Variants in NAALADL2 observed in about 807,000 individuals in gnomAD.
NAALADL2 encodes N-acetylated alpha-linked acidic dipeptidase like 2.
Under a neutral mutation model 87.2 loss-of-function variants are expected in NAALADL2, and 76 were observed. That is an observed-to-expected ratio of 0.87 (90% CI 0.72 to 1.05). The LOEUF is 1.05. Ranked by LOEUF, NAALADL2 falls within the 50% of genes least tolerant of loss-of-function variation. The pLI, the probability that NAALADL2 is intolerant of heterozygous loss-of-function variation, is 0.00. For synonymous variants in NAALADL2, 354 were observed against 331.0 expected (o/e 1.07, Z -0.75); for missense variants, 1,089 against 945.8 (o/e 1.15, Z -1.99).
At chr3:175,414,150 G>A (rs1323673446) in intron 5 of NAALADL2, among the ~76,000 whole-genome samples, 1 of 152,176 alleles carries the variant, frequency 6.6e-6, no homozygotes, top group Non-Finnish European at 1.5e-5. Context: ...TTTGCTTTGT[G>A]GGAAAGACAC....
chr3:175,711,961 T>C (rs59739652), intron 11 of NAALADL2, among the ~76,000 whole-genome samples: 1 of 152,042 alleles, frequency 6.6e-6, no homozygotes, highest in African/African-American at 2.4e-5. Flanking sequence ...TAGAGAAATA[T>C]ACATTTGCAA....
intron 1 of NAALADL2, among the ~76,000 whole-genome samples, chr3:174,997,004 G>A (rs1747568474): frequency 8.8e-6 from 1 of 114,050 alleles, no homozygotes. Flanking sequence ...GTGTGTGTGT[G>A]TGTGTGTGTG....
At chr3:175,723,021 T>C (rs1377239921) in intron 11 of NAALADL2, among the ~76,000 whole-genome samples, 2 of 152,118 alleles carry the variant, frequency 1.3e-5, no homozygotes, top group Non-Finnish European at 2.9e-5. Context: ...CTGAAGTTTG[T>C]GGGTAGGTGT....
intron 1 of NAALADL2, among the ~76,000 whole-genome samples, chr3:175,060,654 C>T (rs986947925): frequency 5.3e-5 from 8 of 152,250 alleles, no homozygotes; most frequent in African/African-American, 1.9e-4. Context: ...AGCCAATAGC[C>T]GTACTATATT....
At chr3:174,668,831 T>C (rs2108796696) in intron 2 of NAALADL2, among the ~76,000 whole-genome samples, 1 of 152,342 alleles carries the variant, frequency 6.6e-6, no homozygotes, top group East Asian at 1.9e-4. Flanking sequence ...TTGTTGGACA[T>C]TTGGGTTGGT....
chr3:175,182,513 G>C (rs1736716423), intron 2 of NAALADL2, among the ~76,000 whole-genome samples: 1 of 144,052 alleles, frequency 6.9e-6, no homozygotes, highest in African/African-American at 2.6e-5. Flanking sequence ...TGAGCTTCCT[G>C]AGTAGCTGAG....
chr3:174,859,573 C>T (rs1380283043), intron 1 of NAALADL2, 123 bp downstream of exon 1: 4 of 708,620 alleles, frequency 5.6e-6, no homozygotes, highest in African/African-American at 1.8e-5. Context: ...GTTCAGGTGC[C>T]CTGGCCCTGT....
chr3:175,417,533 C>A (rs1714862586), intron 5 of NAALADL2, among the ~76,000 whole-genome samples: 1 of 149,712 alleles, frequency 6.7e-6, no homozygotes, highest in African/African-American at 2.5e-5. Context: ...TAAAAAAAAA[C>A]AATTCAGTAA....
chr3:175,006,447 G>A (rs1366319147), intron 1 of NAALADL2, among the ~76,000 whole-genome samples: 1 of 151,984 alleles, frequency 6.6e-6, no homozygotes, highest in East Asian at 1.9e-4. Flanking sequence ...TCATTTGATT[G>A]GAACATTATC....
intron 3 of NAALADL2, among the ~76,000 whole-genome samples, chr3:174,743,964 G>A (rs1271920338): frequency 6.6e-6 from 1 of 151,838 alleles, no homozygotes; most frequent in African/African-American, 2.4e-5. Flanking sequence ...GGAGTGCAGG[G>A]TATTTAGCAG....
At chr3:174,471,620 A>T (rs1716912713) in intron 1 of NAALADL2, among the ~76,000 whole-genome samples, 1 of 152,106 alleles carries the variant, frequency 6.6e-6, no homozygotes, top group Non-Finnish European at 1.5e-5. Flanking sequence ...TGGTTATAAA[A>T]ATAAGGCCTC....
At chr3:175,095,156 C>G (rs1438309773) in intron 1 of NAALADL2, among the ~76,000 whole-genome samples, 2 of 151,964 alleles carry the variant, frequency 1.3e-5, no homozygotes, top group African/African-American at 4.8e-5. Context: ...CATTCTTATT[C>G]TCTCTTTGTG....
intron 1 of NAALADL2, among the ~76,000 whole-genome samples, chr3:175,055,702 C>T (rs752481315): frequency 6.6e-6 from 1 of 152,174 alleles, no homozygotes; most frequent in Non-Finnish European, 1.5e-5. Context: ...TCAGGCTCAG[C>T]GGTTTTCTAT....
chr3:175,391,729 A>G (rs763703333), intron 5 of NAALADL2, among the ~76,000 whole-genome samples: 3 of 152,102 alleles, frequency 2.0e-5, no homozygotes, highest in Admixed American at 6.5e-5. Flanking sequence ...GAGGGTGGAG[A>G]CTTGTTATAT....
rs549158056 is a variant in NAALADL2, at chr3:175,463,671, G to T, written c.1327+178G>T. On this transcript the variant is annotated intron_variant, in intron 7 of 13. Coordinates refer to ENST00000454872, the MANE Select transcript of NAALADL2 (RefSeq NM_207015.3). ...GTGGGTCTTCCTTCTCTTTCCTACC[G>T]TATCTCTTCTAAAATAAATCTTAGT... is the stretch of plus-strand genomic sequence containing the variant. Among the ~76,000 whole-genome samples the T allele has an allele frequency of 2.1e-5, 3 of 145,146 alleles. No individual in the cohort carries two copies. In the South Asian group the frequency reaches 6.4e-4, roughly 31 times the overall value.
chr3:175,052,359 C>A (rs1421859068), intron 1 of NAALADL2, among the ~76,000 whole-genome samples: 3 of 152,232 alleles, frequency 2.0e-5, no homozygotes, highest in Non-Finnish European at 4.4e-5. Flanking sequence ...AGTTTTGGGG[C>A]CAGTTTATGG....
At chr3:175,200,676 C>A (rs1177730119) in intron 2 of NAALADL2, among the ~76,000 whole-genome samples, 1 of 152,164 alleles carries the variant, frequency 6.6e-6, no homozygotes, top group Non-Finnish European at 1.5e-5. Flanking sequence ...CTTAATATTT[C>A]CCACTGCATT....
chr3:174,971,522 A>G (rs927705165), intron 1 of NAALADL2, among the ~76,000 whole-genome samples: 12 of 152,076 alleles, frequency 7.9e-5, no homozygotes, highest in Admixed American at 7.2e-4. Flanking sequence ...TTCAGTCTCA[A>G]CTTCCTGTCC....
intron 1 of NAALADL2, among the ~76,000 whole-genome samples, chr3:175,020,411 AGT>A: frequency 6.6e-6 from 1 of 152,180 alleles, no homozygotes; most frequent in African/African-American, 2.4e-5. Flanking sequence ...ACCTAACTGC[AGT>A]GAGTTGCATT....
Sources: gnomAD v4.1 joint callset for allele counts (sites outside exome capture counted in the v4.1 genomes callset) on GRCh38, gnomAD v4.1.1 for gene constraint, MANE v1.5 for transcripts, NCBI Gene and HGNC (gene_info 2026-07-23, HGNC 2026-07-21) for gene names.